NRAP: variants seen among roughly 807,000 people sequenced by gnomAD.
The protein encoded by NRAP is nebulin related anchoring protein, also known as nebulin-related-anchoring protein.
A neutral mutation model predicts 225.9 loss-of-function variants in NRAP; 189 were observed. That is an observed-to-expected ratio of 0.84 (90% CI 0.74 to 0.94). The LOEUF is 0.94. Ranked by LOEUF, NRAP falls within the 40% of genes least tolerant of loss-of-function variation. NRAP has a pLI of 0.00. For missense variants in NRAP, 2,176 were observed against 2,168.7 expected (o/e 1.00, Z -0.07); for synonymous variants, 769 against 790.7 (o/e 0.97, Z 0.46).
chr10:113,659,195 T>C (rs1470157140), intron 3 of NRAP, among the ~76,000 whole-genome samples: 1 of 152,244 alleles, frequency 6.6e-6, no homozygotes, highest in Non-Finnish European at 1.5e-5. Context: ...GTTCGTTTTT[T>C]GTTTTTACCT....
In NRAP at chr10:113,614,621, T is replaced by C. The variant is rs192020490; in HGVS notation, c.3186+218A>G. Among the ~76,000 whole-genome samples, 23 of 152,328 alleles carry C rather than the reference T, an allele frequency of 1.5e-4. No homozygotes were observed. In the East Asian group the frequency reaches 4.1e-3, roughly 27 times the overall value. ...GTGCATTTCATCTGCCCAGGGTCTA[T>C]GTTTACAGTCCAGCATTTGGCTTTG... On this transcript the variant is annotated intron_variant, in intron 28 of 41. Coordinates refer to ENST00000359988, the MANE Select transcript of NRAP (RefSeq NM_198060.4).
At chr10:113,596,929 G>T (rs1451963216) in intron 37 of NRAP, among the ~76,000 whole-genome samples, 157 bp downstream of exon 37, 3 of 152,138 alleles carry the variant, frequency 2.0e-5, no homozygotes, top group Non-Finnish European at 2.9e-5. Context: ...GACCATCCAG[G>T]TCATAGAAAG....
In NRAP at chr10:113,643,029, T is replaced by C; in HGVS notation, c.1120A>G (p.Lys374Glu). Residue 374 changes from lysine (K) to glutamate (E), a missense_variant, in exon 12 of 42, where the codon AAG becomes GAG. Around this residue, in one of 3 missense-constraint regions of NRAP, gnomAD observed 1,708 missense variants for 1,695.5 expected, o/e 1.01. Transcript: ENST00000359988. ...CCTCTACTACTTTCCAGATCCTTCT[T>C]ATACTCCACCTTGGAAATCAAAACA... ...VNKLVSEVEY[K>E]KDLESSRGHS... 6.5e-7 allele frequency: 1 copy of C among 1,545,062 alleles called. No individual in the cohort carries two copies. The highest frequency in any genetic ancestry group is 9.0e-7 in the Non-Finnish European group (1 of 1,117,250).
intron 10 of NRAP, among the ~76,000 whole-genome samples, chr10:113,646,166 A>G (rs1341769887): frequency 1.3e-5 from 2 of 151,934 alleles, no homozygotes; most frequent in Non-Finnish European, 2.9e-5. Flanking sequence ...TATACTTTAT[A>G]CTCTAATTCT....
chr10:113,605,261 T>G (rs1371369359), intron 34 of NRAP, among the ~76,000 whole-genome samples: 1 of 152,238 alleles, frequency 6.6e-6, no homozygotes, highest in African/African-American at 2.4e-5. Flanking sequence ...TCCATTTATT[T>G]GAAGTCCACA....
At chr10:113,619,370 C>G (rs1197450220) in intron 25 of NRAP, among the ~76,000 whole-genome samples, 1 of 152,102 alleles carries the variant, frequency 6.6e-6, no homozygotes, top group East Asian at 1.9e-4. Context: ...CTCTCCTGAA[C>G]TAGAATGAAC....
chr10:113,622,452 AGCCAAAGTACAATTGCT>A (rs1848053075), intron 23 of NRAP, among the ~76,000 whole-genome samples: 1 of 152,252 alleles, frequency 6.6e-6, no homozygotes, highest in Non-Finnish European at 1.5e-5. Flanking sequence ...CATACAGAAT[AGCCAAAGTACAATTGCT>A]GCTCATGAAA....
In NRAP at chr10:113,605,811, T is replaced by C. The variant is rs755181817; in HGVS notation, c.3866A>G (p.Glu1289Gly). Reference sequence around the variant, plus strand: ...CCGGGCAGCCTGGAAGGGGAGCGCTTCTATTGTCAGCTTGTAGCCTTGAGC... The same window carrying C: ...CCGGGCAGCCTGGAAGGGGAGCGCTCCTATTGTCAGCTTGTAGCCTTGAGC... ...LRAQGYKLTIEALPFQAARAS... is the reference protein window; with the variant it reads ...LRAQGYKLTIGALPFQAARAS... The change falls in exon 34 of 42, where the codon GAA becomes GGA. Residue 1289 changes from glutamate to glycine, a missense_variant. Around this residue, in one of 3 missense-constraint regions of NRAP, gnomAD observed 1,708 missense variants for 1,695.5 expected, o/e 1.01. Transcript: ENST00000359988. 1 of 1,614,172 alleles carries C rather than the reference T, an allele frequency of 6.2e-7. No homozygotes were observed. The highest frequency in any genetic ancestry group is 8.5e-7 in the Non-Finnish European group (1 of 1,180,002).
In NRAP at chr10:113,622,132, C is replaced by T. The variant is rs766754736; in HGVS notation, c.2506G>A (p.Ala836Thr). 5 of 1,613,802 alleles carry T rather than the reference C, an allele frequency of 3.1e-6. No homozygotes were observed. The Admixed American group carries it at 6.7e-5, about 22-fold the overall frequency. ...TGCGAATCTCCCTGTACATCTTTTGCCCCAATGAGCTTCCCTCTGGATCTC... is the reference window on the plus strand; with the variant it reads ...TGCGAATCTCCCTGTACATCTTTTGTCCCAATGAGCTTCCCTCTGGATCTC... ...YERSRGKLIG[A>T]KDVQGDSQMS... The change falls in exon 24 of 42, where the codon GCA becomes ACA. Residue 836 changes from alanine (A) to threonine (T), a missense_variant. Ala to Thr is a moderately conservative substitution (Grantham distance 58, BLOSUM62 0). Around this residue, in one of 3 missense-constraint regions of NRAP, gnomAD observed 1,708 missense variants for 1,695.5 expected, o/e 1.01. Transcript: ENST00000359988.
chr10:113,629,346 T>G (rs995705602), intron 19 of NRAP, among the ~76,000 whole-genome samples: 6 of 152,342 alleles, frequency 3.9e-5, no homozygotes, highest in African/African-American at 1.2e-4. Context: ...TTTCTTCTCC[T>G]TGGCTCATCC....
At position 113,663,444 on chromosome 10, in the gene NRAP, T is replaced by C. The variant is rs1850819075; in HGVS notation, c.75A>G (p.Ile25Met). The C allele has an allele frequency of 1.3e-6, 2 of 1,584,042 alleles. No individual in the cohort carries two copies. The highest frequency in any genetic ancestry group is 1.7e-4 in the Middle Eastern group (1 of 6,010). Residue 25 changes from isoleucine (I) to methionine (M), a missense_variant and splice_region_variant, in exon 2 of 42, where the codon ATA (isoleucine) becomes ATG (methionine). Ile to Met is a conservative substitution (Grantham distance 10). Coordinates refer to ENST00000359988, the MANE Select transcript of NRAP (RefSeq NM_198060.4). ...CACAGTGAAAACAGGCTTTATGCCA[T>C]ATCTAGAAATCATATAGAGAAGATT... is the stretch of plus-strand genomic sequence containing the variant. ...PAEKISCIDQ[I>M]WHKACFHCEV...
intron 33 of NRAP, 51 bp downstream of exon 33, chr10:113,606,127 G>T: frequency 2.3e-6 from 3 of 1,305,112 alleles, no homozygotes; most frequent in Non-Finnish European, 3.3e-6. Flanking sequence ...CACAGATGTA[G>T]ACATACATGG....
intron 23 of NRAP, among the ~76,000 whole-genome samples, chr10:113,623,027 T>C (rs1233143436): frequency 6.6e-6 from 1 of 152,240 alleles, no homozygotes; most frequent in Non-Finnish European, 1.5e-5. Flanking sequence ...TGTACAACAC[T>C]TCATGTACGT....
At chr10:113,607,755 T>C (rs1415971910) in intron 32 of NRAP, among the ~76,000 whole-genome samples, 1 of 152,200 alleles carries the variant, frequency 6.6e-6, no homozygotes, top group Non-Finnish European at 1.5e-5. Context: ...TGGTTCAAAA[T>C]GTAATTCTCT....
chr10:113,654,507 C>CAA (rs56238053), intron 4 of NRAP, among the ~76,000 whole-genome samples: 13,709 of 128,182 alleles, frequency 0.11, 764 homozygotes, highest in Non-Finnish European at 0.14. Context: ...GCAATAAAAG[C>CAA]AAAAAAAAAA....
At chr10:113,606,402 C>A in intron 32 of NRAP, 120 bp from the exon 33 acceptor site, 1 of 638,002 alleles carries the variant, frequency 1.6e-6, no homozygotes, top group Non-Finnish European at 2.8e-6. Flanking sequence ...TTCATTGTGT[C>A]ATGGATACAT....
intron 3 of NRAP, 32 bp from the exon 4 acceptor site, chr10:113,657,606 C>T (rs1353016137): frequency 8.0e-7 from 1 of 1,256,164 alleles, no homozygotes; most frequent in Non-Finnish European, 1.2e-6. Context: ...AGTAATGTTT[C>T]CATCAGAAAA....
intron 20 of NRAP, 77 bp from the exon 21 acceptor site, chr10:113,626,222 C>A (rs1254893247): frequency 1.2e-6 from 1 of 849,780 alleles, no homozygotes. Flanking sequence ...CCCCCACACA[C>A]ACACACATTC....
chr10:113,626,275 G>A, intron 20 of NRAP, 130 bp from the exon 21 acceptor site: 1 of 652,832 alleles, frequency 1.5e-6, no homozygotes, highest in East Asian at 2.8e-5. Context: ...TGTTCTAGTT[G>A]TTCCTGCAGC....
Sources: allele counts gnomAD v4.1 joint callset (sites outside exome capture counted in the v4.1 genomes callset), GRCh38; gene constraint gnomAD v4.1.1; regional missense constraint gnomAD v4.1.1; transcripts MANE v1.5; gene names NCBI Gene and HGNC (gene_info 2026-07-23, HGNC 2026-07-21).